TRAF3IP2: variants seen among roughly 807,000 people sequenced by gnomAD.
The protein encoded by TRAF3IP2 is TRAF3 interacting protein 2.
In TRAF3IP2, 35 loss-of-function variants were observed where a neutral mutation model predicts 57.9. The observed-to-expected ratio is 0.60, with a 90% CI of 0.46 to 0.80. The LOEUF (loss-of-function observed/expected upper bound fraction) is 0.80. Among genes scored for constraint, TRAF3IP2 ranks in the 30% least tolerant of loss-of-function variants. The pLI is 0.00. For synonymous variants in TRAF3IP2, 251 were observed against 268.9 expected, an observed-to-expected ratio of 0.93 and a Z score of 0.65; for missense variants, 556 against 706.4, an observed-to-expected ratio of 0.79 and a Z score of 2.41.
intron 3 of TRAF3IP2, among the ~76,000 whole-genome samples, chr6:111,579,874 A>G (rs781096113): frequency 6.6e-6 from 1 of 152,244 alleles, no homozygotes; most frequent in African/African-American, 2.4e-5. Flanking sequence ...TCGTAGTAAA[A>G]TCAAAAATCT....
chr6:111,575,587 CA>C (rs60481646), intron 4 of TRAF3IP2, 55 bp downstream of exon 4: 16,144 of 1,360,028 alleles, frequency 0.012, 10 homozygotes, highest in Middle Eastern at 0.016. Context: ...GACTCCGTCT[CA>C]AAAAAAAAAA....
At chr6:111,589,849 AC>A (rs1284132088) in intron 2 of TRAF3IP2, among the ~76,000 whole-genome samples, 1 of 152,220 alleles carries the variant, frequency 6.6e-6, no homozygotes, top group Non-Finnish European at 1.5e-5. Flanking sequence ...TACTTAGTAT[AC>A]ATGTACTAAT....
chr6:111,583,539 G>C (rs1256538462), intron 2 of TRAF3IP2, among the ~76,000 whole-genome samples: 1 of 152,168 alleles, frequency 6.6e-6, no homozygotes, highest in Non-Finnish European at 1.5e-5. Context: ...GCACATGAGG[G>C]ATCTAGGCTG....
At position 111,591,268 on chromosome 6, in the gene TRAF3IP2, G is replaced by C. The variant is rs144405088; in HGVS notation, c.819C>G (p.His273Gln). 374 of 1,487,600 alleles carry C rather than the reference G, an allele frequency of 2.5e-4. No individual in the cohort carries two copies. In the African/African-American group the frequency reaches 4.7e-3, roughly 19 times the overall value. 92.2% of individuals were successfully genotyped at this position (1,487,600 alleles called of 1,614,324 possible). The change falls in exon 2 of 9, where the codon CAC becomes CAG. Residue 273 changes from histidine to glutamine, a missense_variant. Transcript: ENST00000368761. This position sits in a 1 kb window ranked among gnomAD's most constrained non-coding sequence, Gnocchi z 4.9. The stretch of plus-strand genomic sequence containing the variant: ...GTAAAGATCACTTACATGGCACCTG[G>C]TGATCGGGACTTCCAGGACAATGGT... ...YHYHCPGSPDHQVPYGHDYPR... is the reference protein window; with the variant it reads ...YHYHCPGSPDQQVPYGHDYPR...
intron 1 of TRAF3IP2, chr6:111,601,092 TTG>T: frequency 1.6e-6 from 1 of 637,052 alleles, no homozygotes; most frequent in Non-Finnish European, 3.0e-6. Context: ...TGCATCTCGG[TTG>T]GGAGCACTGA....
At chr6:111,585,334 C>A (rs200467653) in intron 2 of TRAF3IP2, among the ~76,000 whole-genome samples, 48 of 146,498 alleles carry the variant, frequency 3.3e-4, no homozygotes, top group South Asian at 4.3e-4. Flanking sequence ...CCTCCCAGGC[C>A]AAAAAAAAAA....
intron 2 of TRAF3IP2, among the ~76,000 whole-genome samples, chr6:111,583,057 C>G (rs138135763): frequency 6.6e-6 from 1 of 152,288 alleles, no homozygotes; most frequent in East Asian, 1.9e-4. Flanking sequence ...CTTCGTAGTT[C>G]CTATCATGGG....
Position 111,556,292 on chromosome 6 carries a change from C to CT in TRAF3IP2, c.*3112dup, listed in dbSNP as rs755945258. Among the ~76,000 whole-genome samples the CT allele has an allele frequency of 2.8e-4, 42 of 152,076 alleles. No individual in the cohort carries two copies. Among genetic ancestry groups the CT allele is most frequent in the Admixed American group, 1.3e-3 (20 of 15,276 alleles). On this transcript the variant is annotated 3_prime_UTR_variant, in exon 9 of 9. Transcript: ENST00000368761. Reference sequence around the variant, plus strand: ...GCTACCAGCTGTAACACTTTAATGACTCTTTGTGGAACACCAGGGACCACT... The same window carrying CT: ...GCTACCAGCTGTAACACTTTAATGACTTCTTTGTGGAACACCAGGGACCACT...
At chr6:111,594,126 C>T (rs1328806574) in intron 1 of TRAF3IP2, among the ~76,000 whole-genome samples, 1 of 51,052 alleles carries the variant, frequency 2.0e-5, no homozygotes. Context: ...AGCGAGACTC[C>T]ATCTCCAAAA....
In TRAF3IP2 at chr6:111,592,103, A is replaced by G. The variant is rs770615664; in HGVS notation, c.-8-9T>C. On this transcript the variant is annotated splice_polypyrimidine_tract_variant and intron_variant, in intron 1 of 8. Coordinates refer to ENST00000368761, the MANE Select transcript of TRAF3IP2 (RefSeq NM_147686.4). ...TCGGTTCATTCTAGTTTCTGGAACA[A>G]GAGAAAACATGCTATAGCCTTAGAA... The G allele has an allele frequency of 5.0e-6, 8 of 1,607,138 alleles. No individual in the cohort carries two copies. Among genetic ancestry groups the G allele is most frequent in the Non-Finnish European group, 2.6e-6 (3 of 1,175,122 alleles).
intron 4 of TRAF3IP2, among the ~76,000 whole-genome samples, chr6:111,573,202 G>C (rs1795884154): frequency 6.6e-6 from 1 of 152,164 alleles, no homozygotes; most frequent in Non-Finnish European, 1.5e-5. Flanking sequence ...AGTGCAGACT[G>C]CTCAGCGTGA....
chr6:111,571,054 A>G (rs9487670), intron 5 of TRAF3IP2, among the ~76,000 whole-genome samples: 9,285 of 149,230 alleles, frequency 0.062, 502 homozygotes, highest in African/African-American at 0.15. Context: ...CTACAGGCGC[A>G]CACCACCATG....
At chr6:111,585,874 ATCT>A (rs746886901) in intron 2 of TRAF3IP2, among the ~76,000 whole-genome samples, 76 of 152,328 alleles carry the variant, frequency 5.0e-4, no homozygotes, top group Admixed American at 2.6e-3. Flanking sequence ...CAATCCTGTG[ATCT>A]TCTTGGCCTG....
rs968832408 is a variant in TRAF3IP2, at chr6:111,556,697, A to G, written c.*2708T>C. On this transcript the variant is annotated 3_prime_UTR_variant, in exon 9 of 9. Coordinates refer to ENST00000368761, the MANE Select transcript of TRAF3IP2 (RefSeq NM_147686.4). The stretch of plus-strand genomic sequence containing the variant: ...TTTTTCTTCTCTTTTCCTATTTTTT[A>G]AAGAACAAAGACATTCGTCTCACCC... 1.3e-5 allele frequency: 2 copies of G among 152,214 alleles called. No homozygotes were observed. Among genetic ancestry groups the G allele is most frequent in the Non-Finnish European group, 2.9e-5 (2 of 68,040 alleles). The allele number at this position is 152,214 out of a possible 1,614,324, so 9.4% of individuals were successfully genotyped here.
At chr6:111,577,809 T>G (rs561374479) in intron 3 of TRAF3IP2, among the ~76,000 whole-genome samples, 1 of 152,190 alleles carries the variant, frequency 6.6e-6, no homozygotes, top group South Asian at 2.1e-4. Flanking sequence ...CCTCTTGTGC[T>G]CAGGCAGTTC....
intron 2 of TRAF3IP2, among the ~76,000 whole-genome samples, chr6:111,585,307 A>T (rs1463099015): frequency 1.4e-5 from 2 of 144,056 alleles, no homozygotes; most frequent in East Asian, 4.0e-4. Flanking sequence ...AATTTCATTG[A>T]CTCCCTTCTT....
chr6:111,556,585 T>C lies in TRAF3IP2; in HGVS notation c.*2820A>G, dbSNP rs1448329741. ...GGGTGTTTTCCAGGTTATCCAAATA[T>C]GAAAGTCAGTTCTACCAGGTCTCAA... On this transcript the variant is annotated 3_prime_UTR_variant, in exon 9 of 9. Coordinates refer to ENST00000368761, the MANE Select transcript of TRAF3IP2 (RefSeq NM_147686.4). 6.6e-6 allele frequency: 1 copy of C among 152,230 alleles called. No individual in the cohort carries two copies. The highest frequency in any genetic ancestry group is 1.5e-5 in the Non-Finnish European group (1 of 68,034). The allele number at this position is 152,230 out of a possible 1,614,324, so 9.4% of individuals were successfully genotyped here.
chr6:111,601,098 G>A, intron 1 of TRAF3IP2: 1 of 664,344 alleles, frequency 1.5e-6, no homozygotes, highest in East Asian at 2.6e-5. Flanking sequence ...TCGGTTGGGA[G>A]CACTGACTGG....
chr6:111,580,847 TGCACACACACGTGCGC>T (rs748617761), intron 2 of TRAF3IP2, among the ~76,000 whole-genome samples: 3 of 152,208 alleles, frequency 2.0e-5, no homozygotes, highest in South Asian at 4.1e-4. Flanking sequence ...CACGTGCATG[TGCACACACACGTGCGC>T]GCACACACAC....
Sources: allele counts gnomAD v4.1 joint callset (sites outside exome capture counted in the v4.1 genomes callset), GRCh38; gene constraint gnomAD v4.1.1; non-coding constraint Gnocchi (gnomAD v3.1); transcripts MANE v1.5; gene names NCBI Gene and HGNC (gene_info 2026-07-23, HGNC 2026-07-21).